The following LIN52 variants were observed in gnomAD, a reference collection of about 807,000 sequenced individuals.
LIN52 encodes the protein protein lin-52 homolog.
Under a neutral mutation model 18.5 loss-of-function variants are expected in LIN52, and 4 were observed. That is an observed-to-expected ratio of 0.22 (90% CI 0.11 to 0.49). The LOEUF (loss-of-function observed/expected upper bound fraction) is 0.49, where lower values mean the gene tolerates loss of function less well. LIN52 is among the 20% of genes least tolerant of loss of function. LIN52 has a pLI of 0.97. For missense variants in LIN52, 102 were observed against 139.5 expected, an observed-to-expected ratio of 0.73 and a Z score of 1.35; for synonymous variants, 34 against 45.5, an observed-to-expected ratio of 0.75 and a Z score of 1.02.
At chr14:74,178,026 GC>G (rs1293917778) in intron 5 of LIN52, among the ~76,000 whole-genome samples, 2 of 152,184 alleles carry the variant, frequency 1.3e-5, no homozygotes, top group African/African-American at 4.8e-5. Context: ...TGATTCACCT[GC>G]CTCGGCCTCC....
intron 1 of LIN52, chr14:74,085,194 CTG>C: frequency 2.4e-6 from 1 of 419,332 alleles, no homozygotes; most frequent in Non-Finnish European, 4.1e-6. Context: ...TTTCCCCGCT[CTG>C]TACCAGGCGT....
At position 74,199,110 on chromosome 14, in the gene LIN52, C is replaced by T. The variant is rs1195895640; in HGVS notation, c.*133C>T. 3.1e-6 allele frequency: 2 copies of T among 639,068 alleles called. No individual in the cohort carries two copies. Among genetic ancestry groups the T allele is most frequent in the Non-Finnish European group, 5.6e-6 (2 of 358,662 alleles). 39.6% of individuals were successfully genotyped at this position (639,068 alleles called of 1,614,324 possible). A position where few individuals can be genotyped will look rare whatever the true frequency, so the allele number is the denominator to read the frequency against. On this transcript the variant is annotated 3_prime_UTR_variant, in exon 6 of 6. Transcript: ENST00000555028. Reference sequence around the variant, plus strand: ...ACCTCCAGGACTGCCCTCTCCCCTGCTCCTGGCACTCTACACGTCTGAGGA... The same window carrying T: ...ACCTCCAGGACTGCCCTCTCCCCTGTTCCTGGCACTCTACACGTCTGAGGA...
chr14:74,111,302 G>GT (rs1427359607), intron 5 of LIN52, among the ~76,000 whole-genome samples: 2 of 151,844 alleles, frequency 1.3e-5, no homozygotes, highest in Non-Finnish European at 2.9e-5. Flanking sequence ...ACACCTTTTT[G>GT]TTTTTTTGGA....
intron 5 of LIN52, among the ~76,000 whole-genome samples, chr14:74,129,869 A>T (rs1173933161): frequency 6.6e-6 from 1 of 152,146 alleles, no homozygotes; most frequent in Middle Eastern, 3.2e-3. Flanking sequence ...CATGCTGCTG[A>T]TAAAGACATA....
At chr14:74,194,671 A>G (rs1020749361) in intron 5 of LIN52, among the ~76,000 whole-genome samples, 1 of 152,172 alleles carries the variant, frequency 6.6e-6, no homozygotes, top group Non-Finnish European at 1.5e-5. Context: ...TTTGTGATCT[A>G]TGTACGACAT....
intron 5 of LIN52, among the ~76,000 whole-genome samples, chr14:74,162,430 C>A (rs895367197): frequency 6.8e-6 from 1 of 146,502 alleles, no homozygotes; most frequent in Non-Finnish European, 1.5e-5. Flanking sequence ...GAGAGGAAAT[C>A]GCCACTGTAC....
intron 2 of LIN52, 58 bp downstream of exon 2, chr14:74,091,364 A>G: frequency 8.4e-7 from 1 of 1,188,768 alleles, no homozygotes; most frequent in Non-Finnish European, 1.2e-6. Flanking sequence ...GTTCCTTTTT[A>G]AAGAGATTTT....
chr14:74,143,999 T>TC (rs1162809668), intron 5 of LIN52, among the ~76,000 whole-genome samples: 1 of 152,158 alleles, frequency 6.6e-6, no homozygotes, highest in Non-Finnish European at 1.5e-5. Flanking sequence ...TTTTTTTTTT[T>TC]CTTACAAGAT....
intron 5 of LIN52, among the ~76,000 whole-genome samples, chr14:74,187,788 T>C (rs1343128842): frequency 1.3e-5 from 2 of 152,210 alleles, no homozygotes; most frequent in Admixed American, 6.6e-5. Flanking sequence ...AAGTTAATCT[T>C]AGGGGAAAAT....
intron 5 of LIN52, among the ~76,000 whole-genome samples, chr14:74,104,145 C>A (rs1044460428): frequency 1.3e-5 from 2 of 151,984 alleles, no homozygotes; most frequent in African/African-American, 2.4e-5. Context: ...GATCCACCTG[C>A]CTCAGCATCC....
At chr14:74,100,733 C>T (rs1348891802) in intron 4 of LIN52, among the ~76,000 whole-genome samples, 3 of 152,144 alleles carry the variant, frequency 2.0e-5, no homozygotes, top group East Asian at 1.9e-4. Context: ...GCCTTGGCCT[C>T]CCAAAGTGCT....
chr14:74,101,460 CTT>C (rs200423163), intron 5 of LIN52, among the ~76,000 whole-genome samples: 35 of 138,798 alleles, frequency 2.5e-4, no homozygotes, highest in Non-Finnish European at 3.1e-4. Flanking sequence ...AATGATTTTT[CTT>C]TTTTTTTTTT....
At chr14:74,135,539 C>T (rs2061092586) in intron 5 of LIN52, among the ~76,000 whole-genome samples, 2 of 143,026 alleles carry the variant, frequency 1.4e-5, no homozygotes, top group Admixed American at 1.4e-4. Context: ...CTGCAACTGA[C>T]CATAGCCATT....
At chr14:74,180,480 G>T in intron 5 of LIN52, among the ~76,000 whole-genome samples, 1 of 151,264 alleles carries the variant, frequency 6.6e-6, no homozygotes, top group East Asian at 2.0e-4. Flanking sequence ...CCGTGGTCTC[G>T]ATCTCCTGAC....
chr14:74,096,414 A>T (rs377038426), intron 3 of LIN52, among the ~76,000 whole-genome samples: 4 of 151,864 alleles, frequency 2.6e-5, no homozygotes, highest in African/African-American at 9.7e-5. Context: ...GCTGGTCTTG[A>T]ACTCCTGGGT....
At chr14:74,193,934 G>C (rs567320438) in intron 5 of LIN52, among the ~76,000 whole-genome samples, 15 of 152,180 alleles carry the variant, frequency 9.9e-5, no homozygotes, top group African/African-American at 3.6e-4. Context: ...TAATTATGTT[G>C]AGGCATAGAA....
chr14:74,195,400 A>G (rs183969818), intron 5 of LIN52, among the ~76,000 whole-genome samples: 8 of 152,332 alleles, frequency 5.3e-5, no homozygotes, highest in Non-Finnish European at 8.8e-5. Flanking sequence ...GGGGAATAGA[A>G]ATGGCTTTCT....
intron 5 of LIN52, among the ~76,000 whole-genome samples, chr14:74,193,072 A>G (rs1157629572): frequency 1.3e-5 from 2 of 152,134 alleles, no homozygotes; most frequent in Non-Finnish European, 2.9e-5. Flanking sequence ...TCAGATGGAG[A>G]TAAGATGGGG....
At chr14:74,151,672 G>C (rs1177456344) in intron 5 of LIN52, among the ~76,000 whole-genome samples, 1 of 152,128 alleles carries the variant, frequency 6.6e-6, no homozygotes, top group African/African-American at 2.4e-5. Context: ...TAAGGAATTT[G>C]ACATCGATTA....
Sources: allele counts gnomAD v4.1 joint callset (sites outside exome capture counted in the v4.1 genomes callset), GRCh38; gene constraint gnomAD v4.1.1; transcripts MANE v1.5; gene names NCBI Gene and HGNC (gene_info 2026-07-23, HGNC 2026-07-21).